The following LRP8 variants were observed in gnomAD, a reference collection of about 807,000 sequenced individuals.
LRP8 encodes the protein LDL receptor related protein 8.
Under a neutral mutation model 111.6 loss-of-function variants are expected in LRP8, and 46 were observed. That is an observed-to-expected ratio of 0.41 (90% CI 0.33 to 0.53). The LOEUF (loss-of-function observed/expected upper bound fraction) is 0.53. Ranked by LOEUF, LRP8 falls within the 20% of genes least tolerant of loss-of-function variation. The pLI is 0.20. For synonymous variants in LRP8, 464 were observed against 511.2 expected (o/e 0.91, Z 1.24); for missense variants, 959 against 1,297.4 (o/e 0.74, Z 4.01).
Position 53,276,850 on chromosome 1 carries a change from G to A in LRP8, c.725C>T (p.Ala242Val), listed in dbSNP as rs1226794445. The change falls in exon 5 of 19, where the codon GCC becomes GTC. Residue 242 changes from alanine (A) to valine (V), a missense_variant. Transcript: ENST00000306052. ...GGGGCCCGGACGGCCGCAGAGCTCGGCTGCCTCGTCCGAGCGGTCCTCGCA... is the reference window on the plus strand; with the variant it reads ...GGGGCCCGGACGGCCGCAGAGCTCGACTGCCTCGTCCGAGCGGTCCTCGCA... ...FDCEDRSDEA[A>V]ELCGRPGPGA... 4.5e-6 allele frequency: 6 copies of A among 1,322,884 alleles called. No homozygotes were observed. The highest frequency in any genetic ancestry group is 5.8e-6 in the Non-Finnish European group (6 of 1,036,444). 81.9% of individuals were successfully genotyped at this position (1,322,884 alleles called of 1,614,324 possible). A position where few individuals can be genotyped will look rare whatever the true frequency, so the allele number is the denominator to read the frequency against.
In LRP8 at chr1:53,262,583, C is replaced by G. The variant is rs530075013; in HGVS notation, c.1656-19G>C. ...CATGAACCTAAAAGACAAAATAACC[C>G]AATTTGCCTTCTTGCTGGGGACATG... On this transcript the variant is annotated intron_variant, in intron 10 of 18. Coordinates refer to ENST00000306052, the MANE Select transcript of LRP8 (RefSeq NM_004631.5). The surrounding 1 kb of genome is among the most constrained non-coding windows in gnomAD (Gnocchi z 4.8). 6.3e-7 allele frequency: 1 copy of G among 1,598,238 alleles called. No homozygotes were observed. Among genetic ancestry groups the G allele is most frequent in the African/African-American group, 1.3e-5 (1 of 74,762 alleles).
In LRP8 at chr1:53,294,533, T is replaced by C. The variant is rs1649339210; in HGVS notation, c.245-4844A>G. Reference sequence around the variant, plus strand: ...CGTCTGCTTCACGGGACACACAGGGTCATTGTGAGAAGCAAATAAGCTAAG... The same window carrying C: ...CGTCTGCTTCACGGGACACACAGGGCCATTGTGAGAAGCAAATAAGCTAAG... On this transcript the variant is annotated intron_variant, in intron 2 of 18. Transcript: ENST00000306052. The surrounding 1 kb of genome is among the most constrained non-coding windows in gnomAD (Gnocchi z 4.1). Among the ~76,000 whole-genome samples the C allele has an allele frequency of 6.6e-6, 1 of 152,104 alleles. No homozygotes were observed. The highest frequency in any genetic ancestry group is 6.6e-5 in the Admixed American group (1 of 15,266).
chr1:53,261,989 A>G, intron 12 of LRP8, 79 bp downstream of exon 12: 1 of 1,513,498 alleles, frequency 6.6e-7, no homozygotes, highest in Non-Finnish European at 9.0e-7. Flanking sequence ...AACAAGTCTC[A>G]GGGACTCATC....
chr1:53,276,899 A>T lies in LRP8; in HGVS notation c.676T>A (p.Trp226Arg). The change falls in exon 5 of 19, where the codon TGG (tryptophan) becomes AGG (arginine). Residue 226 changes from tryptophan (W) to arginine (R), a missense_variant. By Grantham distance (101) the Trp-to-Arg change is moderately radical. Transcript: ENST00000306052. ...DGGGACIPER[W>R]VCDRQFDCED... Reference sequence around the variant, plus strand: ...CAGTCAAACTGGCGGTCGCAGACCCAGCGCTCCGGGATGCAGGCGCCGCCG... The same window carrying T: ...CAGTCAAACTGGCGGTCGCAGACCCTGCGCTCCGGGATGCAGGCGCCGCCG... 2.1e-6 allele frequency: 3 copies of T among 1,427,576 alleles called. No individual in the cohort carries two copies. Among genetic ancestry groups the T allele is most frequent in the African/African-American group, 1.5e-5 (1 of 65,920 alleles). 88.4% of individuals were successfully genotyped at this position (1,427,576 alleles called of 1,614,324 possible).
chr1:53,326,327 G>A (rs1305826929), intron 2 of LRP8, among the ~76,000 whole-genome samples: 1 of 152,190 alleles, frequency 6.6e-6, no homozygotes, highest in African/African-American at 2.4e-5. Context: ...CAGGGAACCC[G>A]AATACTACAC....
chr1:53,300,159 T>C (rs1650530466), intron 2 of LRP8, among the ~76,000 whole-genome samples: 1 of 152,254 alleles, frequency 6.6e-6, no homozygotes, highest in Admixed American at 6.5e-5. Context: ...GCTACTGCTC[T>C]GGCCCATCCC....
chr1:53,320,647 A>G (rs149750767), intron 2 of LRP8, among the ~76,000 whole-genome samples: 27 of 152,318 alleles, frequency 1.8e-4, no homozygotes, highest in Middle Eastern at 3.4e-3. Flanking sequence ...AGAGAAGCCT[A>G]TGAAAACTGG....
chr1:53,271,174 C>T (rs981179436), intron 7 of LRP8, 21 bp from the exon 8 acceptor site: 2 of 1,613,854 alleles, frequency 1.2e-6, no homozygotes, highest in Non-Finnish European at 1.7e-6. Context: ...GAGCAGGAGT[C>T]AGAACCAGCA....
chr1:53,253,509 ACAGGGAAATGT>A (rs1263647845), intron 16 of LRP8, among the ~76,000 whole-genome samples: 34 of 152,218 alleles, frequency 2.2e-4, no homozygotes, highest in Admixed American at 4.6e-4. Context: ...ACTCTACCTC[ACAGGGAAATGT>A]CAGGGAAATA....
Position 53,264,584 on chromosome 1 carries a change from G to A in LRP8, c.1428-188C>T, listed in dbSNP as rs150285264. On this transcript the variant is annotated intron_variant, in intron 9 of 18. Transcript: ENST00000306052. The stretch of plus-strand genomic sequence containing the variant: ...AGGGGTACAGACTTACATGGGCCAC[G>A]GTCTCTGGCTTTCTAAGGTGGGGCT... 5.4e-4 allele frequency among the ~76,000 whole-genome samples: 83 copies of A among 152,298 alleles called. 1 individual carries two copies. The highest frequency in any genetic ancestry group is 1.9e-3 in the African/African-American group (77 of 41,556).
chr1:53,321,773 G>T (rs1252450073), intron 2 of LRP8, among the ~76,000 whole-genome samples: 1 of 152,106 alleles, frequency 6.6e-6, no homozygotes, highest in Non-Finnish European at 1.5e-5. Flanking sequence ...GCAGTGCCAT[G>T]GGGGATGCAG....
chr1:53,308,242 G>A (rs964161522), intron 2 of LRP8, among the ~76,000 whole-genome samples: 2 of 152,110 alleles, frequency 1.3e-5, no homozygotes, highest in African/African-American at 4.8e-5. Context: ...ACAGCGCAGG[G>A]AACGGGATGT....
intron 4 of LRP8, 26 bp from the exon 5 acceptor site, chr1:53,277,104 C>T: frequency 1.4e-6 from 2 of 1,453,304 alleles, no homozygotes; most frequent in African/African-American, 1.5e-5. Flanking sequence ...AGCCGGTCGG[C>T]CCGCCGACCC....
At chr1:53,264,076 G>C in intron 10 of LRP8, 93 bp downstream of exon 10, 1 of 1,262,182 alleles carries the variant, frequency 7.9e-7, no homozygotes, top group South Asian at 1.3e-5. Flanking sequence ...GTGGCCCAGA[G>C]CTTTCTAGAA....
At chr1:53,315,275 C>T (rs1653646833) in intron 2 of LRP8, among the ~76,000 whole-genome samples, 1 of 152,190 alleles carries the variant, frequency 6.6e-6, no homozygotes, top group South Asian at 2.1e-4. Context: ...TCCCTGGCTC[C>T]TCCTACTCCA....
intron 16 of LRP8, among the ~76,000 whole-genome samples, chr1:53,253,722 G>A (rs1289859873): frequency 6.6e-6 from 1 of 152,126 alleles, no homozygotes; most frequent in South Asian, 2.1e-4. Flanking sequence ...ATCTTTCCTG[G>A]TGAAGCCTTT....
rs1174562562 is a variant in LRP8, at chr1:53,294,131, T to G, written c.245-4442A>C. Among the ~76,000 whole-genome samples the G allele has an allele frequency of 6.6e-6, 1 of 152,204 alleles. No homozygotes were observed. Among genetic ancestry groups the G allele is most frequent in the Admixed American group, 6.5e-5 (1 of 15,288 alleles). The stretch of plus-strand genomic sequence containing the variant: ...GATTCCCCAGCTGGGCTCAAGGCCA[T>G]GGCTCCCTGTTTCCAGGGATTTATG... On this transcript the variant is annotated intron_variant, in intron 2 of 18. Coordinates refer to ENST00000306052, the MANE Select transcript of LRP8 (RefSeq NM_004631.5). The surrounding 1 kb of genome is among the most constrained non-coding windows in gnomAD (Gnocchi z 4.1).
In LRP8 at chr1:53,276,872, C is replaced by T. The variant is rs539363051; in HGVS notation, c.703G>A (p.Glu235Lys). ...TCGGCTGCCTCGTCCGAGCGGTCCT[C>T]GCAGTCAAACTGGCGGTCGCAGACC... Reference protein sequence around the residue: ...RWVCDRQFDCEDRSDEAAELC... With the variant: ...RWVCDRQFDCKDRSDEAAELC... The change falls in exon 5 of 19, where the codon GAG (glutamate) becomes AAG (lysine). Residue 235 changes from glutamate to lysine, a missense_variant. By Grantham distance (56) the Glu-to-Lys change is moderately conservative. Coordinates refer to ENST00000306052, the MANE Select transcript of LRP8 (RefSeq NM_004631.5). 2.9e-6 allele frequency: 4 copies of T among 1,399,764 alleles called. No homozygotes were observed. The highest frequency in any genetic ancestry group is 3.6e-5 in the East Asian group (1 of 28,076). 86.7% of individuals were successfully genotyped at this position (1,399,764 alleles called of 1,614,324 possible). A position where few individuals can be genotyped will look rare whatever the true frequency, so the allele number is the denominator to read the frequency against.
chr1:53,315,754 TCA>T (rs1026250164), intron 2 of LRP8, among the ~76,000 whole-genome samples: 1 of 152,168 alleles, frequency 6.6e-6, no homozygotes, highest in Non-Finnish European at 1.5e-5. Context: ...GATCTAATCC[TCA>T]GTCTCTCAGA....
Sources: allele counts gnomAD v4.1 joint callset (sites outside exome capture counted in the v4.1 genomes callset), GRCh38; gene constraint gnomAD v4.1.1; non-coding constraint Gnocchi (gnomAD v3.1); transcripts MANE v1.5; gene names NCBI Gene and HGNC (gene_info 2026-07-23, HGNC 2026-07-21).